The following KCNQ3 variants were observed in gnomAD, a reference collection of about 807,000 sequenced individuals.
KCNQ3 encodes potassium voltage-gated channel subfamily Q member 3, also known as potassium voltage-gated channel subfamily KQT member 3.
In KCNQ3, 30 loss-of-function variants were observed where a neutral mutation model predicts 92.5. That is an observed-to-expected ratio of 0.32 (90% CI 0.24 to 0.44). The LOEUF is 0.44. KCNQ3 is among the 20% of genes least tolerant of loss of function. The pLI, the probability that KCNQ3 is intolerant of heterozygous loss-of-function variation, is 1.00. For missense variants in KCNQ3, 913 were observed against 1,140.3 expected, an observed-to-expected ratio of 0.80 and a Z score of 2.87; for synonymous variants, 450 against 468.8, an observed-to-expected ratio of 0.96 and a Z score of 0.52.
At position 132,223,603 on chromosome 8, in the gene KCNQ3, C is replaced by A. The variant is rs147026637; in HGVS notation, c.387-37422G>T. On this transcript the variant is annotated intron_variant, in intron 1 of 14. Coordinates refer to ENST00000388996, the MANE Select transcript of KCNQ3 (RefSeq NM_004519.4). ...TGCAAGCTATTACTATTATTTAGTG[C>A]AATGAATGGCATTAAACTGCATGAG... 9.2e-4 allele frequency among the ~76,000 whole-genome samples: 140 copies of A among 152,172 alleles called. 1 individual carries two copies. The highest frequency in any genetic ancestry group is 3.3e-3 in the African/African-American group (138 of 41,540).
chr8:132,387,240 A>G (rs893670484), intron 1 of KCNQ3, among the ~76,000 whole-genome samples: 12 of 152,260 alleles, frequency 7.9e-5, no homozygotes, highest in African/African-American at 2.4e-4. Context: ...CCAAGAACAC[A>G]AAAGATAGCC....
intron 1 of KCNQ3, among the ~76,000 whole-genome samples, chr8:132,438,623 G>T (rs1176227138): frequency 1.3e-5 from 2 of 152,064 alleles, no homozygotes; most frequent in Middle Eastern, 3.4e-3. Context: ...GATGGATGGT[G>T]GTCAGCTGCT....
intron 1 of KCNQ3, among the ~76,000 whole-genome samples, chr8:132,357,974 G>A (rs376435638): frequency 1.1e-4 from 17 of 152,278 alleles, no homozygotes; most frequent in African/African-American, 3.9e-4. Flanking sequence ...ACTCCATCCC[G>A]TCCTCGACAG....
chr8:132,432,982 T>C (rs1012789145), intron 1 of KCNQ3, among the ~76,000 whole-genome samples: 6 of 152,190 alleles, frequency 3.9e-5, no homozygotes, highest in African/African-American at 1.4e-4. Context: ...CTGGGTTAGA[T>C]AAAATCACAA....
chr8:132,219,424 C>A (rs1291305368), intron 1 of KCNQ3, among the ~76,000 whole-genome samples: 1 of 152,144 alleles, frequency 6.6e-6, no homozygotes, highest in African/African-American at 2.4e-5. Flanking sequence ...TAACCAACTA[C>A]ACTGGTGACT....
intron 1 of KCNQ3, chr8:132,187,317 G>C (rs976406399): frequency 1.8e-5 from 8 of 452,892 alleles, no homozygotes; most frequent in Non-Finnish European, 3.1e-5. Flanking sequence ...TCACAGTCCA[G>C]ATAAACAGAA....
intron 1 of KCNQ3, among the ~76,000 whole-genome samples, chr8:132,349,038 C>T (rs1342415436): frequency 6.6e-6 from 1 of 152,180 alleles, no homozygotes; most frequent in African/African-American, 2.4e-5. Flanking sequence ...CTGTTTCCAA[C>T]AGCCTTGGTT....
At chr8:132,262,669 G>A (rs1027007915) in intron 1 of KCNQ3, among the ~76,000 whole-genome samples, 1 of 149,616 alleles carries the variant, frequency 6.7e-6, no homozygotes, top group Non-Finnish European at 1.5e-5. Flanking sequence ...ATACTCTTGA[G>A]GATGGAGACA....
intron 1 of KCNQ3, among the ~76,000 whole-genome samples, chr8:132,473,596 T>C (rs1036281932): frequency 2.6e-5 from 4 of 152,152 alleles, no homozygotes; most frequent in South Asian, 2.1e-4. Context: ...ACAACACAAA[T>C]ATCTAACACT....
chr8:132,250,998 C>T (rs958771131), intron 1 of KCNQ3, among the ~76,000 whole-genome samples: 1 of 152,140 alleles, frequency 6.6e-6, no homozygotes, highest in Admixed American at 6.5e-5. Context: ...ATGGCTTATG[C>T]CTGTAATACC....
intron 9 of KCNQ3, among the ~76,000 whole-genome samples, chr8:132,154,905 A>G (rs1256191538): frequency 1.3e-5 from 2 of 152,208 alleles, no homozygotes; most frequent in Admixed American, 6.5e-5. Flanking sequence ...AAAAGATCAC[A>G]GGCCTAGGCA....
intron 1 of KCNQ3, among the ~76,000 whole-genome samples, chr8:132,474,268 C>T (rs1822357510): frequency 6.6e-6 from 1 of 152,146 alleles, no homozygotes; most frequent in Admixed American, 6.5e-5. Context: ...TTCATATATA[C>T]TATTCTTTGA....
At chr8:132,253,292 T>C (rs936885105) in intron 1 of KCNQ3, among the ~76,000 whole-genome samples, 2 of 152,212 alleles carry the variant, frequency 1.3e-5, no homozygotes, top group African/African-American at 4.8e-5. Context: ...TACATCTAGC[T>C]ATCAACTGTA....
rs1012916644 is a variant in KCNQ3, at chr8:132,128,614, A to G, written c.*648T>C. Reference sequence around the variant, plus strand: ...GGGATTACCACCACTTTTTACAGATAAGGAAACTGAGGCATGATACTAAGT... The same window carrying G: ...GGGATTACCACCACTTTTTACAGATGAGGAAACTGAGGCATGATACTAAGT... On this transcript the variant is annotated 3_prime_UTR_variant, in exon 15 of 15. Coordinates refer to ENST00000388996, the MANE Select transcript of KCNQ3 (RefSeq NM_004519.4). 5.2e-5 allele frequency: 8 copies of G among 152,414 alleles called. No homozygotes were observed. The highest frequency in any genetic ancestry group is 1.7e-4 in the African/African-American group (7 of 41,416). The allele number at this position is 152,414 out of a possible 1,614,324, so 9.4% of individuals were successfully genotyped here.
chr8:132,142,057 C>G (rs977789876), intron 9 of KCNQ3, among the ~76,000 whole-genome samples: 3 of 152,170 alleles, frequency 2.0e-5, no homozygotes, highest in Admixed American at 6.5e-5. Context: ...GGTATTCAAT[C>G]TGCCACCAGG....
At chr8:132,240,723 T>G (rs1473653166) in intron 1 of KCNQ3, among the ~76,000 whole-genome samples, 1 of 152,218 alleles carries the variant, frequency 6.6e-6, no homozygotes, top group African/African-American at 2.4e-5. Flanking sequence ...CCCAAGCACC[T>G]AACTTTGTGC....
chr8:132,177,318 T>C (rs1826594998), intron 4 of KCNQ3, among the ~76,000 whole-genome samples: 1 of 152,198 alleles, frequency 6.6e-6, no homozygotes, highest in Non-Finnish European at 1.5e-5. Context: ...CTTTATACAA[T>C]TTTTGCTAGC....
chr8:132,256,227 G>A (rs1461806669), intron 1 of KCNQ3, among the ~76,000 whole-genome samples: 3 of 152,076 alleles, frequency 2.0e-5, no homozygotes, highest in Admixed American at 6.6e-5. Flanking sequence ...AAAAATTCAT[G>A]AGAAGTCAAC....
At chr8:132,197,518 G>A (rs1047454635) in intron 1 of KCNQ3, among the ~76,000 whole-genome samples, 1 of 152,174 alleles carries the variant, frequency 6.6e-6, no homozygotes, top group African/African-American at 2.4e-5. Context: ...GAACTTCCAG[G>A]TCCACATGAT....
Sources: allele counts gnomAD v4.1 joint callset (sites outside exome capture counted in the v4.1 genomes callset), GRCh38; gene constraint gnomAD v4.1.1; transcripts MANE v1.5; gene names NCBI Gene and HGNC (gene_info 2026-07-23, HGNC 2026-07-21).